PIK3C2G: variants seen among roughly 807,000 people sequenced by gnomAD.
PIK3C2G encodes the protein phosphatidylinositol 3-kinase C2 domain-containing subunit gamma.
In PIK3C2G, 168 loss-of-function variants were observed where a neutral mutation model predicts 181.1. The observed-to-expected ratio is 0.93, with a 90% CI of 0.82 to 1.05. The LOEUF is 1.05. PIK3C2G is among the 50% of genes least tolerant of loss of function. The pLI is 0.00. For synonymous variants in PIK3C2G, 573 were observed against 592.2 expected, an observed-to-expected ratio of 0.97 and a Z score of 0.47; for missense variants, 1,869 against 1,732.8, an observed-to-expected ratio of 1.08 and a Z score of -1.40.
intron 30 of PIK3C2G, among the ~76,000 whole-genome samples, chr12:18,608,652 A>C (rs1449409302): frequency 4.6e-5 from 7 of 152,126 alleles, no homozygotes; most frequent in Non-Finnish European, 7.4e-5. Flanking sequence ...GCACATGTAT[A>C]TATATGTAAC....
chr12:18,545,322 T>G (rs1944365825), intron 25 of PIK3C2G, among the ~76,000 whole-genome samples: 1 of 151,882 alleles, frequency 6.6e-6, no homozygotes, highest in African/African-American at 2.4e-5. Context: ...TATACCATTC[T>G]TTTTCTCATT....
intron 1 of PIK3C2G, among the ~76,000 whole-genome samples, chr12:18,262,137 G>A (rs1055574820): frequency 2.6e-5 from 4 of 152,004 alleles, no homozygotes; most frequent in African/African-American, 9.7e-5. Context: ...TCTGTGCTGC[G>A]GTCCGTCTCT....
At chr12:18,487,096 T>TGTGTGTGTGTG in intron 18 of PIK3C2G, among the ~76,000 whole-genome samples, 1 of 142,200 alleles carries the variant, frequency 7.0e-6, no homozygotes, top group East Asian at 2.1e-4. Context: ...TTGAGGTATT[T>TGTGTGTGTGTG]TGTGTGTGTG....
chr12:18,633,100 CA>C (rs1555157501), intron 31 of PIK3C2G, among the ~76,000 whole-genome samples: 1 of 152,108 alleles, frequency 6.6e-6, no homozygotes, highest in Non-Finnish European at 1.5e-5. Flanking sequence ...TCCATACAAC[CA>C]AAAACATGCT....
At chr12:18,482,217 T>C (rs1939637231) in intron 18 of PIK3C2G, among the ~76,000 whole-genome samples, 1 of 126,466 alleles carries the variant, frequency 7.9e-6, no homozygotes, top group African/African-American at 3.0e-5. Context: ...AGCTTAGGAA[T>C]AGAAGATATG....
At chr12:18,422,035 T>C (rs1945515868) in intron 17 of PIK3C2G, among the ~76,000 whole-genome samples, 1 of 152,112 alleles carries the variant, frequency 6.6e-6, no homozygotes, top group South Asian at 2.1e-4. Context: ...CTCATGGGTA[T>C]GGCAACATGC....
intron 18 of PIK3C2G, among the ~76,000 whole-genome samples, chr12:18,429,933 G>C (rs1229510900): frequency 6.6e-6 from 1 of 152,064 alleles, no homozygotes; most frequent in Non-Finnish European, 1.5e-5. Flanking sequence ...CCTACGAAGT[G>C]GGAAAATCTC....
At chr12:18,277,942 G>A (rs1949052509) in intron 1 of PIK3C2G, among the ~76,000 whole-genome samples, 1 of 152,124 alleles carries the variant, frequency 6.6e-6, no homozygotes, top group African/African-American at 2.4e-5. Context: ...CTAAGGAGTT[G>A]TCATTAATAA....
At chr12:18,346,601 G>T (rs1412079838) in intron 10 of PIK3C2G, 40 bp from the exon 11 acceptor site, 1 of 1,184,038 alleles carries the variant, frequency 8.4e-7, no homozygotes, top group Non-Finnish European at 1.2e-6. Flanking sequence ...GATAAATATG[G>T]CCCTTCTTAG....
upstream of PIK3C2G, among the ~76,000 whole-genome samples, chr12:18,259,021 G>T (rs75210141): frequency 0.02 from 3,091 of 152,150 alleles, 104 homozygotes; most frequent in African/African-American, 0.071. Flanking sequence ...ATATTTGAAA[G>T]AGAAATATTC....
At chr12:18,583,397 G>T (rs543209177) in intron 29 of PIK3C2G, among the ~76,000 whole-genome samples, 1 of 152,200 alleles carries the variant, frequency 6.6e-6, no homozygotes, top group East Asian at 1.9e-4. Context: ...TATCTCCTCA[G>T]TGGGTGGGTC....
downstream of PIK3C2G, among the ~76,000 whole-genome samples, chr12:18,648,617 C>T (rs930304086): frequency 2.0e-5 from 3 of 152,064 alleles, no homozygotes; most frequent in Non-Finnish European, 4.4e-5. Flanking sequence ...CCCTCTTCAC[C>T]ACCAATCAAT....
chr12:18,584,122 G>A lies in PIK3C2G; in HGVS notation c.4012-10372G>A, dbSNP rs1018447619. On this transcript the variant is annotated intron_variant, in intron 29 of 32. Coordinates refer to ENST00000538779, the MANE Select transcript of PIK3C2G (RefSeq NM_001288772.2). ...CGGCTCACCACAAGGTCCACCTCCC[G>A]GTTCACGCCATTCTCCTGCCCCAGC... Among the ~76,000 whole-genome samples the A allele has an allele frequency of 5.3e-5, 8 of 151,212 alleles. No homozygotes were observed. The South Asian group carries it at 1.0e-3, about 20-fold the overall frequency.
At chr12:18,559,821 TAGAGAGAGAG>T (rs1171468138) in intron 26 of PIK3C2G, among the ~76,000 whole-genome samples, 206 of 18,258 alleles carry the variant, frequency 0.011, 3 homozygotes, top group Non-Finnish European at 0.014. Flanking sequence ...TATATATATA[TAGAGAGAGAG>T]AGAGAGAGAG....
intron 24 of PIK3C2G, among the ~76,000 whole-genome samples, chr12:18,508,831 A>C (rs999113459): frequency 6.6e-6 from 1 of 152,164 alleles, no homozygotes; most frequent in African/African-American, 2.4e-5. Flanking sequence ...ATAATGTCTC[A>C]TAGTCTGACA....
At chr12:18,584,019 G>GT (rs1236362883) in intron 29 of PIK3C2G, among the ~76,000 whole-genome samples, 7 of 145,396 alleles carry the variant, frequency 4.8e-5, no homozygotes, top group East Asian at 2.1e-4. Context: ...TAAATAGACA[G>GT]TTTTTTTGTT....
At chr12:18,244,659 A>AT (rs34749004), upstream of PIK3C2G, among the ~76,000 whole-genome samples, 65,307 of 151,792 alleles carry the variant, frequency 0.43, 14,603 homozygotes, top group East Asian at 0.75. Flanking sequence ...TTAATCAGGT[A>AT]TGTCTTAGGC....
the PIK3C2G span, among the ~76,000 whole-genome samples, chr12:18,665,895 A>G: frequency 2.0e-5 from 3 of 148,912 alleles, no homozygotes; most frequent in Non-Finnish European, 4.4e-5. Context: ...AGATCGCGCC[A>G]TTGTACTCCA....
At chr12:18,349,367 A>T (rs934037392) in intron 11 of PIK3C2G, among the ~76,000 whole-genome samples, 1 of 152,172 alleles carries the variant, frequency 6.6e-6, no homozygotes, top group Admixed American at 6.5e-5. Context: ...CAAAAGGACC[A>T]TAATTAATGT....
Sources: gnomAD v4.1 joint callset for allele counts (sites outside exome capture counted in the v4.1 genomes callset) on GRCh38, gnomAD v4.1.1 for gene constraint, MANE v1.5 for transcripts, NCBI Gene and HGNC (gene_info 2026-07-23, HGNC 2026-07-21) for gene names.